PPP4R2: variants seen among roughly 807,000 people sequenced by gnomAD.
PPP4R2 encodes the protein serine/threonine-protein phosphatase 4 regulatory subunit 2.
In PPP4R2, 13 loss-of-function variants were observed where a neutral mutation model predicts 47.2. The observed-to-expected ratio is 0.28, with a 90% confidence interval of 0.18 to 0.44. The LOEUF (loss-of-function observed/expected upper bound fraction) is 0.44. Among genes scored for constraint, PPP4R2 ranks in the 20% least tolerant of loss-of-function variants. The pLI is 1.00. For missense variants in PPP4R2, 421 were observed against 491.2 expected, an observed-to-expected ratio of 0.86 and a Z score of 1.35; for synonymous variants, 151 against 163.3, an observed-to-expected ratio of 0.92 and a Z score of 0.57.
At chr3:73,024,935 T>C (rs1277891033) in intron 2 of PPP4R2, among the ~76,000 whole-genome samples, 1 of 152,034 alleles carries the variant, frequency 6.6e-6, no homozygotes, top group African/African-American at 2.4e-5. Flanking sequence ...AGCCAAAGGG[T>C]ATGAGGATGG....
At chr3:73,020,381 G>T (rs1701933724) in intron 2 of PPP4R2, among the ~76,000 whole-genome samples, 1 of 152,132 alleles carries the variant, frequency 6.6e-6, no homozygotes, top group Non-Finnish European at 1.5e-5. Flanking sequence ...ATTTTGGCCA[G>T]TTGTGGTGGG....
Position 73,065,977 on chromosome 3 carries a change from A to T in PPP4R2, c.*255A>T. The T allele has an allele frequency of 4.5e-6, 1 of 221,466 alleles. No homozygotes were observed. Among genetic ancestry groups the T allele is most frequent in the East Asian group, 7.3e-5 (1 of 13,674 alleles). 13.7% of individuals were successfully genotyped at this position (221,466 alleles called of 1,614,324 possible). A position where few individuals can be genotyped will look rare whatever the true frequency, so the allele number is the denominator to read the frequency against. ...CTGGGCAAATCAGTGGTTTGTGTAT[A>T]GATTTTTTTTTTTTTTTAATTTAGG... On this transcript the variant is annotated 3_prime_UTR_variant, in exon 9 of 9. Transcript: ENST00000356692.
chr3:73,063,467 T>C (rs1452556631), intron 5 of PPP4R2: 1 of 451,144 alleles, frequency 2.2e-6, no homozygotes, highest in Non-Finnish European at 4.0e-6. Flanking sequence ...CTACTAAAAA[T>C]AAAAAAAATA....
rs1018570296 is a variant in PPP4R2 at position 73,026,901 on chromosome 3, C to T, written c.117-20285C>T. ...GAAGCCATAAAGCCTGGGTTGAAAT[C>T]CCAGCCCTGTTACTTATTACCTGTG... On this transcript the variant is annotated intron_variant, in intron 2 of 8. Coordinates refer to ENST00000356692, the MANE Select transcript of PPP4R2 (RefSeq NM_174907.4). 2.6e-5 allele frequency among the ~76,000 whole-genome samples: 4 copies of T among 152,118 alleles called. No homozygotes were observed. In the East Asian group the frequency reaches 5.8e-4, roughly 22 times the overall value.
intron 2 of PPP4R2, among the ~76,000 whole-genome samples, chr3:73,022,329 G>C (rs1701976925): frequency 7.2e-6 from 1 of 139,346 alleles, no homozygotes; most frequent in Non-Finnish European, 1.7e-5. Flanking sequence ...ATTTTTTTCA[G>C]TTGATTTTTA....
rs1703046451 is a variant in PPP4R2, at chr3:73,068,494, CAT to C, written c.*2775_*2776del. On this transcript the variant is annotated 3_prime_UTR_variant, in exon 9 of 9. Coordinates refer to ENST00000356692, the MANE Select transcript of PPP4R2 (RefSeq NM_174907.4). The stretch of plus-strand genomic sequence containing the variant: ...AATGTAGCAGAAGTAGTGAAAATGT[CAT>C]ATTTTAAATGTTGATTATTAGATAA... 1 of 152,076 alleles carries C rather than the reference CAT, an allele frequency of 6.6e-6. No homozygotes were observed. The highest frequency in any genetic ancestry group is 1.5e-5 in the Non-Finnish European group (1 of 68,026). 9.4% of individuals were successfully genotyped at this position (152,076 alleles called of 1,614,324 possible). A position where few individuals can be genotyped will look rare whatever the true frequency, so the allele number is the denominator to read the frequency against.
intron 3 of PPP4R2, 139 bp downstream of exon 3, chr3:73,047,495 A>T (rs1702508563): frequency 1.9e-6 from 1 of 539,508 alleles, no homozygotes. Context: ...GTAGTAGTTG[A>T]TGATTTTTAG....
chr3:73,011,316 C>T (rs766630057), intron 2 of PPP4R2, among the ~76,000 whole-genome samples: 3 of 152,064 alleles, frequency 2.0e-5, no homozygotes, highest in Non-Finnish European at 4.4e-5. Context: ...CCTGCCTCTA[C>T]TGAAAATAGA....
chr3:73,048,655 A>G (rs1702540830), intron 3 of PPP4R2, among the ~76,000 whole-genome samples: 1 of 152,256 alleles, frequency 6.6e-6, no homozygotes, highest in African/African-American at 2.4e-5. Flanking sequence ...GTGTGGAACA[A>G]CAATACCAAA....
intron 6 of PPP4R2, 23 bp from the exon 7 acceptor site, chr3:73,063,980 G>A (rs769084267): frequency 1.7e-5 from 27 of 1,561,716 alleles, no homozygotes; most frequent in Non-Finnish European, 1.6e-5. Context: ...AATAGGAAAT[G>A]ATGTTCATTT....
Position 73,029,742 on chromosome 3 carries a change from G to A in PPP4R2, c.117-17444G>A, listed in dbSNP as rs564102294. 2.6e-4 allele frequency among the ~76,000 whole-genome samples: 39 copies of A among 152,324 alleles called. No individual in the cohort carries two copies. The South Asian group carries it at 7.9e-3, about 31-fold the overall frequency. ...TCCAGACTGGATGAGATCACCAAGT[G>A]TAGATAGAAAAGAGAGACTGAATTG... On this transcript the variant is annotated intron_variant, in intron 2 of 8. Coordinates refer to ENST00000356692, the MANE Select transcript of PPP4R2 (RefSeq NM_174907.4).
At position 73,023,190 on chromosome 3, in the gene PPP4R2, G is replaced by GT. The variant is rs1425949473; in HGVS notation, c.117-23986dup. On this transcript the variant is annotated intron_variant, in intron 2 of 8. Transcript: ENST00000356692. ...GGTTTCTTTTCTTTTCCTTTTTTTT[G>GT]TTTTTTTTTTGAGATGGAATTTCGC... Among the ~76,000 whole-genome samples, 597 of 140,348 alleles carry GT rather than the reference G, an allele frequency of 4.3e-3. 3 individuals are homozygous for GT. Among genetic ancestry groups the GT allele is most frequent in the Middle Eastern group, 0.011 (3 of 276 alleles). The allele number at this position is 140,348 out of a possible 152,430, so 92.1% of individuals were successfully genotyped here.
chr3:73,022,338 T>TA (rs201304383), intron 2 of PPP4R2, among the ~76,000 whole-genome samples: 1 of 152,016 alleles, frequency 6.6e-6, no homozygotes, highest in African/African-American at 2.4e-5. Context: ...AGTTGATTTT[T>TA]AAATAAGCTT....
chr3:73,047,547 G>C (rs1369786950), intron 3 of PPP4R2, among the ~76,000 whole-genome samples, 191 bp downstream of exon 3: 1 of 152,230 alleles, frequency 6.6e-6, no homozygotes, highest in East Asian at 1.9e-4. Flanking sequence ...TAAAAAACTT[G>C]AACCACCTTT....
intron 2 of PPP4R2, among the ~76,000 whole-genome samples, chr3:73,003,789 C>A (rs1701536169): frequency 6.6e-6 from 1 of 152,038 alleles, no homozygotes; most frequent in Non-Finnish European, 1.5e-5. Context: ...ACCTCCACCT[C>A]CTGGGTTCAA....
intron 2 of PPP4R2, among the ~76,000 whole-genome samples, chr3:73,024,287 A>C (rs1702015993): frequency 1.3e-5 from 2 of 152,176 alleles, no homozygotes; most frequent in African/African-American, 4.8e-5. Flanking sequence ...AAAATTTATC[A>C]AACTAAAATC....
At chr3:73,042,937 T>C (rs1240939332) in intron 2 of PPP4R2, among the ~76,000 whole-genome samples, 1 of 152,168 alleles carries the variant, frequency 6.6e-6, no homozygotes, top group Non-Finnish European at 1.5e-5. Context: ...TTGAATCTCT[T>C]CAGAATTTCC....
intron 2 of PPP4R2, among the ~76,000 whole-genome samples, chr3:73,015,414 T>C (rs895963292): frequency 4.6e-5 from 7 of 151,798 alleles, no homozygotes; most frequent in Admixed American, 4.6e-4. Context: ...TGGCCTCAAG[T>C]AATCCACCCG....
At chr3:73,055,523 G>C (rs1260549844) in intron 3 of PPP4R2, among the ~76,000 whole-genome samples, 1 of 151,136 alleles carries the variant, frequency 6.6e-6, no homozygotes, top group African/African-American at 2.4e-5. Context: ...TTTAAAAAAT[G>C]TTACTGGATG....
Sources: gnomAD v4.1 joint callset for allele counts (sites outside exome capture counted in the v4.1 genomes callset) on GRCh38, gnomAD v4.1.1 for gene constraint, MANE v1.5 for transcripts, NCBI Gene and HGNC (gene_info 2026-07-23, HGNC 2026-07-21) for gene names.